CNTN1: variants seen among roughly 807,000 people sequenced by gnomAD.
The protein encoded by CNTN1 is contactin-1.
Under a neutral mutation model 126.4 loss-of-function variants are expected in CNTN1, and 38 were observed. That is an observed-to-expected ratio of 0.30 (90% CI 0.23 to 0.39). The LOEUF (loss-of-function observed/expected upper bound fraction) is 0.39, where lower values mean the gene tolerates loss of function less well. Among genes scored for constraint, CNTN1 ranks in the 10% least tolerant of loss-of-function variants. CNTN1 has a pLI of 1.00. For missense variants in CNTN1, 1,009 were observed against 1,248.4 expected (o/e 0.81, Z 2.89); for synonymous variants, 413 against 422.6 (o/e 0.98, Z 0.28).
intron 16 of CNTN1, among the ~76,000 whole-genome samples, chr12:40,983,238 T>G (rs1173880845): frequency 2.0e-5 from 3 of 152,170 alleles, no homozygotes; most frequent in Non-Finnish European, 4.4e-5. Context: ...TGTTTTCTGT[T>G]GGCCACATAT....
chr12:40,723,734 C>T (rs1049464928), intron 1 of CNTN1, among the ~76,000 whole-genome samples: 1 of 152,124 alleles, frequency 6.6e-6, no homozygotes, highest in African/African-American at 2.4e-5. Flanking sequence ...GGGTGATATT[C>T]ACAACTAGAA....
intron 17 of CNTN1, among the ~76,000 whole-genome samples, chr12:41,000,864 A>G (rs1948343079): frequency 6.6e-6 from 1 of 152,144 alleles, no homozygotes; most frequent in African/African-American, 2.4e-5. Context: ...GCCTCCACTT[A>G]TAAGTGAGAG....
intron 1 of CNTN1, among the ~76,000 whole-genome samples, chr12:40,700,117 T>TAC (rs1436433454): frequency 3.3e-5 from 5 of 151,930 alleles, no homozygotes; most frequent in Admixed American, 2.0e-4. Context: ...CACACACACA[T>TAC]ACACACACAC....
At chr12:40,697,034 A>G (rs893972020) in intron 1 of CNTN1, among the ~76,000 whole-genome samples, 21 of 152,320 alleles carry the variant, frequency 1.4e-4, no homozygotes, top group African/African-American at 4.6e-4. Flanking sequence ...TCAATATTCT[A>G]TGATAGATCT....
chr12:41,030,490 C>T (rs1236962966), intron 23 of CNTN1, among the ~76,000 whole-genome samples: 3 of 151,992 alleles, frequency 2.0e-5, no homozygotes, highest in Non-Finnish European at 4.4e-5. Flanking sequence ...TCCAAATACC[C>T]TAAAATAGCT....
chr12:40,792,896 G>A (rs1226468295), intron 1 of CNTN1, among the ~76,000 whole-genome samples: 1 of 152,028 alleles, frequency 6.6e-6, no homozygotes, highest in African/African-American at 2.4e-5. Context: ...ATTTTGAGAT[G>A]ACTATTCAGA....
intron 1 of CNTN1, among the ~76,000 whole-genome samples, chr12:40,888,271 A>G (rs1257877992): frequency 6.6e-6 from 1 of 152,142 alleles, no homozygotes; most frequent in African/African-American, 2.4e-5. Context: ...ACTGTTACGG[A>G]CTTTTTAAAA....
chr12:40,998,916 T>C (rs1383591323), intron 17 of CNTN1, among the ~76,000 whole-genome samples: 4 of 152,138 alleles, frequency 2.6e-5, no homozygotes, highest in Non-Finnish European at 5.9e-5. Flanking sequence ...AAGTTATAAT[T>C]AACAAGAATT....
intron 23 of CNTN1, among the ~76,000 whole-genome samples, chr12:41,044,543 C>T (rs1029906898): frequency 6.6e-6 from 1 of 151,720 alleles, no homozygotes; most frequent in Admixed American, 6.6e-5. Flanking sequence ...TTAGTTATTC[C>T]ACAATTTTGA....
chr12:40,849,768 CT>C (rs2136612453), intron 1 of CNTN1, among the ~76,000 whole-genome samples: 1 of 152,048 alleles, frequency 6.6e-6, no homozygotes, highest in South Asian at 2.1e-4. Context: ...TTTTCAATTT[CT>C]CAGCATGCCA....
intron 1 of CNTN1, among the ~76,000 whole-genome samples, chr12:40,765,559 G>A (rs1048571296): frequency 3.9e-5 from 6 of 152,108 alleles, no homozygotes; most frequent in Non-Finnish European, 8.8e-5. Context: ...TAATAAGTTT[G>A]GTTAACAGAG....
chr12:40,918,689 A>G lies in CNTN1; in HGVS notation c.145A>G (p.Asn49Asp). 6.2e-7 allele frequency: 1 copy of G among 1,613,544 alleles called. No homozygotes were observed. Among genetic ancestry groups the G allele is most frequent in the Non-Finnish European group, 8.5e-7 (1 of 1,179,494 alleles). The change falls in exon 4 of 24, where the codon AAT becomes GAT. Residue 49 changes from asparagine to aspartate, a missense_variant. Transcript: ENST00000551295. ...ACCAATTTTTGAAGAGCAGCCAATCAATACCATTTATCCAGAGGAATCACT... is the reference window on the plus strand; with the variant it reads ...ACCAATTTTTGAAGAGCAGCCAATCGATACCATTTATCCAGAGGAATCACT... ...FGPIFEEQPI[N>D]TIYPEESLEG...
chr12:40,864,054 C>T (rs10784918), intron 1 of CNTN1, among the ~76,000 whole-genome samples: 47,343 of 125,174 alleles, frequency 0.38, 8,403 homozygotes, highest in Middle Eastern at 0.46. Flanking sequence ...GAGTTTTGCT[C>T]TTGTTGCCCA....
intron 1 of CNTN1, among the ~76,000 whole-genome samples, chr12:40,847,274 C>G (rs1942545809): frequency 6.6e-6 from 1 of 152,170 alleles, no homozygotes; most frequent in South Asian, 2.1e-4. Context: ...AAAAAGACTG[C>G]ATTTACCTGG....
intron 1 of CNTN1, among the ~76,000 whole-genome samples, chr12:40,856,577 C>T (rs1038648597): frequency 3.3e-5 from 5 of 151,984 alleles, no homozygotes; most frequent in East Asian, 1.9e-4. Flanking sequence ...GAGGGCTTTG[C>T]GTGCTAATTT....
intron 1 of CNTN1, among the ~76,000 whole-genome samples, chr12:40,758,765 C>A (rs2136411488): frequency 6.6e-6 from 1 of 152,130 alleles, no homozygotes; most frequent in Admixed American, 6.5e-5. Flanking sequence ...AACAAAAGTT[C>A]TCAAAAAACA....
chr12:41,051,828 A>G (rs1490627252), intron 23 of CNTN1, among the ~76,000 whole-genome samples: 8 of 151,230 alleles, frequency 5.3e-5, no homozygotes, highest in Admixed American at 5.3e-4. Context: ...AAGAGGAAGA[A>G]TGCAAGGAGG....
chr12:40,768,293 G>A (rs1267767583), intron 1 of CNTN1, among the ~76,000 whole-genome samples: 1 of 152,142 alleles, frequency 6.6e-6, no homozygotes, highest in Non-Finnish European at 1.5e-5. Context: ...AAGGGTTGAG[G>A]GGCCCTCAAG....
intron 23 of CNTN1, 60 bp downstream of exon 23, chr12:41,029,279 G>A: frequency 6.3e-7 from 1 of 1,585,740 alleles, no homozygotes; most frequent in South Asian, 1.1e-5. Context: ...AGACCCTGTG[G>A]ATTCCCAAGG....
Sources: allele counts gnomAD v4.1 joint callset (sites outside exome capture counted in the v4.1 genomes callset), GRCh38; gene constraint gnomAD v4.1.1; transcripts MANE v1.5; gene names NCBI Gene and HGNC (gene_info 2026-07-23, HGNC 2026-07-21).